The following ST6GALNAC2 variants were observed in gnomAD, a reference collection of about 807,000 sequenced individuals.
ST6GALNAC2 encodes ST6 N-acetylgalactosaminide alpha-2,6-sialyltransferase 2.
A neutral mutation model predicts 38.7 loss-of-function variants in ST6GALNAC2; 42 were observed. The observed-to-expected ratio is 1.09, with a 90% CI of 0.85 to 1.40. The LOEUF (loss-of-function observed/expected upper bound fraction) is 1.40, where lower values mean the gene tolerates loss of function less well. Among genes scored for constraint, ST6GALNAC2 ranks in the 40% most tolerant of loss-of-function variants. The pLI is 0.00. For synonymous variants in ST6GALNAC2, 233 were observed against 209.0 expected (o/e 1.11, Z -0.99); for missense variants, 506 against 481.7 (o/e 1.05, Z -0.47).
intron 2 of ST6GALNAC2, among the ~76,000 whole-genome samples, chr17:76,577,650 A>G (rs1316286599): frequency 7.0e-6 from 1 of 143,176 alleles, no homozygotes; most frequent in African/African-American, 2.6e-5. Context: ...ATCTCAGCTC[A>G]CTGCAACCTC....
At position 76,573,271 on chromosome 17, in the gene ST6GALNAC2, C is replaced by G. The variant is rs772068368; in HGVS notation, c.454G>C (p.Ala152Pro). ...AGAATGCCTCCGTTGCCCACCACGGCACACCGGATACACTTTGGAGGGGTG... is the reference window on the plus strand; with the variant it reads ...AGAATGCCTCCGTTGCCCACCACGGGACACCGGATACACTTTGGAGGGGTG... ...RDTPPKCIRCAVVGNGGILNG... is the reference protein window; with the variant it reads ...RDTPPKCIRCPVVGNGGILNG... Residue 152 changes from alanine (A) to proline (P), a missense_variant, in exon 4 of 9, where the codon GCC becomes CCC. Physicochemically the swap from Ala to Pro is conservative, Grantham distance 27. Transcript: ENST00000225276. This position sits in a 1 kb window ranked among gnomAD's most constrained non-coding sequence, Gnocchi z 5.1. The G allele has an allele frequency of 1.9e-6, 3 of 1,611,750 alleles. No individual in the cohort carries two copies.
At chr17:76,584,794 G>A (rs2075524174) in intron 1 of ST6GALNAC2, among the ~76,000 whole-genome samples, 1 of 152,250 alleles carries the variant, frequency 6.6e-6, no homozygotes, top group Non-Finnish European at 1.5e-5. Context: ...AAGGTTGGTA[G>A]GGGGTGCGCA....
In ST6GALNAC2 at chr17:76,566,130, C is replaced by A. The variant is rs764432426; in HGVS notation, c.1099G>T (p.Gly367Cys). 1.9e-6 allele frequency: 3 copies of A among 1,613,940 alleles called. No individual in the cohort carries two copies. The African/African-American group carries it at 4.0e-5, about 22-fold the overall frequency. Residue 367 changes from glycine to cysteine, a missense_variant, in exon 9 of 9, where the codon GGC becomes TGC. Physicochemically the swap from Gly to Cys is radical, Grantham distance 159. Coordinates refer to ENST00000225276, the MANE Select transcript of ST6GALNAC2 (RefSeq NM_006456.3). Reference sequence around the variant, plus strand: ...CAGCGCTGGTACAGCTGAAGGATGCCGGCCTTGTGCAGGTCCCTCCACAGG... The same window carrying A: ...CAGCGCTGGTACAGCTGAAGGATGCAGGCCTTGTGCAGGTCCCTCCACAGG... ...AALWRDLHKAGILQLYQR is the reference protein window; with the variant it reads ...AALWRDLHKACILQLYQR
At chr17:76,571,301 A>G (rs1330176861) in intron 5 of ST6GALNAC2, 1 of 152,348 alleles carries the variant, frequency 6.6e-6, no homozygotes, top group Non-Finnish European at 1.5e-5. Flanking sequence ...CTGTGGCTAC[A>G]CTGAAACTAA....
chr17:76,566,204 AT>A lies in ST6GALNAC2; in HGVS notation c.1024del (p.Met342Ter), dbSNP rs780645422. 5.6e-6 allele frequency: 9 copies of A among 1,614,032 alleles called. No individual in the cohort carries two copies. The South Asian group carries it at 8.8e-5, about 16-fold the overall frequency. On this transcript the variant is annotated frameshift_variant, in exon 9 of 9. Transcript: ENST00000225276. LOFTEE classifies it low-confidence loss of function (END_TRUNC). ...GTTTGCATAAAATATCAATGGCTTC[AT>A]TTTTCGTTCGAAATAGTGGTCGGAA... ...KFSDHYFERK[M>X]KPLIFYANHD...
At chr17:76,579,139 G>A (rs910271891) in intron 1 of ST6GALNAC2, among the ~76,000 whole-genome samples, 8 of 152,200 alleles carry the variant, frequency 5.3e-5, no homozygotes, top group Non-Finnish European at 1.0e-4. Flanking sequence ...GGCTGGTCTC[G>A]AACTCCCGAC....
Position 76,566,165 on chromosome 17 carries a change from A to G in ST6GALNAC2, c.1064T>C (p.Leu355Pro). Reference sequence around the variant, plus strand: ...CAGGTCCCTCCACAGGGCAGCTTCCAGGGACAGATCGTGGTTTGCATAAAA... The same window carrying G: ...CAGGTCCCTCCACAGGGCAGCTTCCGGGGACAGATCGTGGTTTGCATAAAA... ...LIFYANHDLS[L>P]EAALWRDLHK... The change falls in exon 9 of 9, where the codon CTG becomes CCG. Residue 355 changes from leucine (L) to proline (P), a missense_variant. Physicochemically the swap from Leu to Pro is moderately conservative, Grantham distance 98. Transcript: ENST00000225276. 1 of 1,614,162 alleles carries G rather than the reference A, an allele frequency of 6.2e-7. No individual in the cohort carries two copies. The highest frequency in any genetic ancestry group is 8.5e-7 in the Non-Finnish European group (1 of 1,180,036).
intron 1 of ST6GALNAC2, chr17:76,580,851 T>C (rs2075467257): frequency 6.6e-6 from 1 of 152,128 alleles, no homozygotes; most frequent in African/African-American, 2.4e-5. Context: ...TTAGTGTCCC[T>C]TCTAGAGGGC....
Position 76,585,754 on chromosome 17 carries a change from A to G in ST6GALNAC2, c.55T>C (p.Cys19Arg). ...TACAGGGCAAAGAGGAGCCCCGAGC[A>G]GGCAGCCGTGAGCAGGAGCAGCAGC... ...FWLLLLLTAA[C>R]SGLLFALYFS... The change falls in exon 1 of 9, where the codon TGC (cysteine) becomes CGC (arginine). Residue 19 changes from cysteine to arginine, a missense_variant. Transcript: ENST00000225276. 1 of 1,551,544 alleles carries G rather than the reference A, an allele frequency of 6.4e-7. No individual in the cohort carries two copies. Among genetic ancestry groups the G allele is most frequent in the Non-Finnish European group, 8.7e-7 (1 of 1,150,912 alleles).
chr17:76,568,821 A>G, intron 6 of ST6GALNAC2, 25 bp from the exon 7 acceptor site: 1 of 1,610,826 alleles, frequency 6.2e-7, no homozygotes, highest in Non-Finnish European at 8.5e-7. Context: ...AGAAGTGGAC[A>G]GAGCGCCCAG....
Position 76,573,091 on chromosome 17 carries a change from G to T in ST6GALNAC2, c.530+104C>A. ...CCCGTGTGCTGGTCACAACTGCTGA[G>T]CCGCCCAGGCCACTGCTGCCATAGC... On this transcript the variant is annotated intron_variant, in intron 4 of 8. Transcript: ENST00000225276. This position sits in a 1 kb window ranked among gnomAD's most constrained non-coding sequence, Gnocchi z 5.1. 1.6e-6 allele frequency: 2 copies of T among 1,285,858 alleles called. No homozygotes were observed. The highest frequency in any genetic ancestry group is 2.1e-6 in the Non-Finnish European group (2 of 942,442). The allele number at this position is 1,285,858 out of a possible 1,614,324, so 79.7% of individuals were successfully genotyped here.
rs549721354 is a variant in ST6GALNAC2, at chr17:76,576,986, T to G, written c.186+1770A>C. ...ACTCCATCTCAAAAAAAAAAAAAAATGCAAAATGTATGTGATGCTCAGATT... is the reference window on the plus strand; with the variant it reads ...ACTCCATCTCAAAAAAAAAAAAAAAGGCAAAATGTATGTGATGCTCAGATT... On this transcript the variant is annotated intron_variant, in intron 2 of 8. Transcript: ENST00000225276. 2.1e-4 allele frequency among the ~76,000 whole-genome samples: 30 copies of G among 144,320 alleles called. No homozygotes were observed. In the East Asian group the frequency reaches 5.8e-3, roughly 28 times the overall value. 94.7% of individuals were successfully genotyped at this position (144,320 alleles called of 152,430 possible).
At chr17:76,583,836 T>G in intron 1 of ST6GALNAC2, among the ~76,000 whole-genome samples, 2 of 140,910 alleles carry the variant, frequency 1.4e-5, no homozygotes, top group Non-Finnish European at 1.5e-5. Flanking sequence ...TGAGATGGAG[T>G]CTCGCTCTGT....
chr17:76,573,159 T>TCCCCAC lies in ST6GALNAC2; in HGVS notation c.530+35_530+36insGTGGGG. ...GACACCCCCACCCTCCAGGCAACTC[T>TCCCCAC]CCCTCCCGCCCCTCCCCAGCTCCTA... On this transcript the variant is annotated intron_variant, in intron 4 of 8. Coordinates refer to ENST00000225276, the MANE Select transcript of ST6GALNAC2 (RefSeq NM_006456.3). The surrounding 1 kb of genome is among the most constrained non-coding windows in gnomAD (Gnocchi z 5.1). The TCCCCAC allele has an allele frequency of 6.5e-7, 1 of 1,530,320 alleles. No homozygotes were observed. The highest frequency in any genetic ancestry group is 8.9e-7 in the Non-Finnish European group (1 of 1,120,828). The allele number at this position is 1,530,320 out of a possible 1,614,324, so 94.8% of individuals were successfully genotyped here.
intron 7 of ST6GALNAC2, chr17:76,568,427 A>G: frequency 5.0e-6 from 2 of 402,104 alleles, no homozygotes; most frequent in South Asian, 3.6e-5. Context: ...GCTGCTGTGC[A>G]CCTTATGGTC....
At chr17:76,582,267 G>T (rs72873926) in intron 1 of ST6GALNAC2, among the ~76,000 whole-genome samples, 60,966 of 145,398 alleles carry the variant, frequency 0.42, 15,170 homozygotes, top group East Asian at 0.57. Flanking sequence ...GACCTCCTGG[G>T]CTCAAGCGAT....
At chr17:76,576,015 G>A (rs543430479) in intron 2 of ST6GALNAC2, among the ~76,000 whole-genome samples, 3 of 152,332 alleles carry the variant, frequency 2.0e-5, no homozygotes, top group African/African-American at 7.2e-5. Flanking sequence ...AGGTCAAGGC[G>A]GGAGGATAAC....
In ST6GALNAC2 at chr17:76,573,159, T is replaced by TTCCAA; in HGVS notation, c.530+35_530+36insTTGGA. 1 of 1,530,322 alleles carries TTCCAA rather than the reference T, an allele frequency of 6.5e-7. No individual in the cohort carries two copies. The highest frequency in any genetic ancestry group is 8.9e-7 in the Non-Finnish European group (1 of 1,120,830). 94.8% of individuals were successfully genotyped at this position (1,530,322 alleles called of 1,614,324 possible). Reference sequence around the variant, plus strand: ...GACACCCCCACCCTCCAGGCAACTCTCCCTCCCGCCCCTCCCCAGCTCCTA... The same window carrying TTCCAA: ...GACACCCCCACCCTCCAGGCAACTCTTCCAACCCTCCCGCCCCTCCCCAGCTCCTA... On this transcript the variant is annotated intron_variant, in intron 4 of 8. Transcript: ENST00000225276. This position sits in a 1 kb window ranked among gnomAD's most constrained non-coding sequence, Gnocchi z 5.1.
At position 76,566,051 on chromosome 17, in the gene ST6GALNAC2, G is replaced by T. The variant is rs992856202; in HGVS notation, c.*53C>A. The T allele has an allele frequency of 7.1e-6, 11 of 1,557,540 alleles. No individual in the cohort carries two copies. The highest frequency in any genetic ancestry group is 1.4e-5 in the African/African-American group (1 of 72,346). ...AAGTTAAAAAAGCTTTTGGCCACTT[G>T]AGAGGATCAGGGCCGCAACTCTTGA... On this transcript the variant is annotated 3_prime_UTR_variant, in exon 9 of 9. Transcript: ENST00000225276.
Sources: allele counts gnomAD v4.1 joint callset (sites outside exome capture counted in the v4.1 genomes callset), GRCh38; gene constraint gnomAD v4.1.1; non-coding constraint Gnocchi (gnomAD v3.1); transcripts MANE v1.5; gene names NCBI Gene and HGNC (gene_info 2026-07-23, HGNC 2026-07-21).